The following ATG7 variants were observed in gnomAD, a reference collection of about 807,000 sequenced individuals.
The protein encoded by ATG7 is autophagy related 7.
A neutral mutation model predicts 82.4 loss-of-function variants in ATG7; 70 were observed. The ratio of observed to expected loss-of-function variants is 0.85; its 90% CI spans 0.70 to 1.04. The LOEUF is 1.04. Among genes scored for constraint, ATG7 ranks in the 50% least tolerant of loss-of-function variants. The pLI is 0.00. For missense variants in ATG7, 792 were observed against 864.3 expected, an observed-to-expected ratio of 0.92 and a Z score of 1.05; for synonymous variants, 287 against 313.0, an observed-to-expected ratio of 0.92 and a Z score of 0.88.
At chr3:11,505,085 C>T (rs1016377568) in intron 20 of ATG7, among the ~76,000 whole-genome samples, 1 of 152,142 alleles carries the variant, frequency 6.6e-6, no homozygotes, top group African/African-American at 2.4e-5. Flanking sequence ...TAAGTCTCTA[C>T]GGAGTATAGT....
chr3:11,382,609 A>G (rs1198668042), intron 19 of ATG7, among the ~76,000 whole-genome samples: 1 of 152,214 alleles, frequency 6.6e-6, no homozygotes, highest in Non-Finnish European at 1.5e-5. Context: ...CGTTTATATG[A>G]GTTGCTCTTT....
intron 19 of ATG7, among the ~76,000 whole-genome samples, chr3:11,406,267 G>A (rs1352033564): frequency 6.6e-6 from 1 of 152,100 alleles, no homozygotes; most frequent in Admixed American, 6.6e-5. Flanking sequence ...TGGGATCACA[G>A]GCATGAGCCA....
At chr3:11,372,870 G>A (rs964583212) in intron 18 of ATG7, among the ~76,000 whole-genome samples, 9 of 143,690 alleles carry the variant, frequency 6.3e-5, no homozygotes, top group African/African-American at 2.3e-4. Flanking sequence ...GTGTGAAATC[G>A]GCCATGTTTT....
chr3:11,575,144 G>A, the ATG7 span, among the ~76,000 whole-genome samples: 1 of 152,210 alleles, frequency 6.6e-6, no homozygotes, highest in African/African-American at 2.4e-5. Context: ...CTGGCAGGTG[G>A]CAGAGTAGGG....
At chr3:11,410,752 G>A (rs1220019624) in intron 19 of ATG7, among the ~76,000 whole-genome samples, 1 of 152,098 alleles carries the variant, frequency 6.6e-6, no homozygotes, top group Non-Finnish European at 1.5e-5. Flanking sequence ...CCTCTTTAAG[G>A]TTGAATAATA....
chr3:11,435,173 G>T (rs1227868220), intron 20 of ATG7, among the ~76,000 whole-genome samples: 1 of 152,002 alleles, frequency 6.6e-6, no homozygotes, highest in South Asian at 2.1e-4. Flanking sequence ...ATATTCTTTG[G>T]TATCTATTAT....
At chr3:11,573,241 A>AAGAGAG in the ATG7 span, among the ~76,000 whole-genome samples, 2 of 115,692 alleles carry the variant, frequency 1.7e-5, 1 homozygote, top group African/African-American at 7.5e-5. Context: ...AAAGAAAAGA[A>AAGAGAG]ATAGAGAAAG....
chr3:11,476,730 T>C (rs1490260629), intron 20 of ATG7, among the ~76,000 whole-genome samples: 1 of 152,222 alleles, frequency 6.6e-6, no homozygotes, highest in African/African-American at 2.4e-5. Flanking sequence ...TTTTCTTCTT[T>C]TTCATTTTTT....
intron 20 of ATG7, chr3:11,446,610 TGATACATCATG>T: frequency 2.7e-6 from 1 of 372,030 alleles, no homozygotes; most frequent in Non-Finnish European, 5.2e-6. Flanking sequence ...ATGAGGCACA[TGATACATCATG>T]GTACTTGAGC....
chr3:11,480,073 G>A (rs1055070610), intron 20 of ATG7, among the ~76,000 whole-genome samples: 1 of 151,990 alleles, frequency 6.6e-6, no homozygotes, highest in Admixed American at 6.5e-5. Flanking sequence ...GACTACAGGT[G>A]CCCGCCACCA....
intron 19 of ATG7, among the ~76,000 whole-genome samples, chr3:11,425,293 A>T (rs929879326): frequency 6.6e-6 from 1 of 152,200 alleles, no homozygotes. Context: ...CATCCTTACA[A>T]CATAAGTCTT....
In ATG7 at chr3:11,364,730, A is replaced by G; in HGVS notation, c.1871A>G (p.His624Arg). Reference sequence around the variant, plus strand: ...CCAACCTCTCTTGGGCTTGTGCCTCACCAGGTTAGTGATGTGGAAGTGAAA... The same window carrying G: ...CCAACCTCTCTTGGGCTTGTGCCTCGCCAGGTTAGTGATGTGGAAGTGAAA... ...EPPTSLGLVP[H>R]QIRGFLSRFD... Residue 624 changes from histidine to arginine, a missense_variant, in exon 18 of 21, where the codon CAC (histidine) becomes CGC (arginine). Transcript: ENST00000693202. 1 of 1,614,106 alleles carries G rather than the reference A, an allele frequency of 6.2e-7. No individual in the cohort carries two copies. Among genetic ancestry groups the G allele is most frequent in the Non-Finnish European group, 8.5e-7 (1 of 1,179,980 alleles).
intron 19 of ATG7, among the ~76,000 whole-genome samples, chr3:11,390,660 T>A (rs1003577309): frequency 2.8e-4 from 30 of 107,354 alleles, no homozygotes; most frequent in African/African-American, 8.3e-4. Flanking sequence ...TTGACCTTTG[T>A]GGGTGGGTTT....
chr3:11,303,636 C>T lies in ATG7; in HGVS notation c.216-3307C>T, dbSNP rs544961903. Among the ~76,000 whole-genome samples, 15 of 151,418 alleles carry T rather than the reference C, an allele frequency of 9.9e-5. No individual in the cohort carries two copies. In the East Asian group the frequency reaches 2.0e-3, roughly 20 times the overall value. On this transcript the variant is annotated intron_variant, in intron 5 of 20. Coordinates refer to ENST00000693202, the MANE Select transcript of ATG7 (RefSeq NM_001349232.2). ...TGAGCCGAGATCCTGCCACTGCACTCCGGCCTGGGCGACAGAGCGAGACTC... is the reference window on the plus strand; with the variant it reads ...TGAGCCGAGATCCTGCCACTGCACTTCGGCCTGGGCGACAGAGCGAGACTC...
chr3:11,413,423 G>T (rs1170837618), intron 19 of ATG7, among the ~76,000 whole-genome samples: 7 of 152,168 alleles, frequency 4.6e-5, no homozygotes, highest in African/African-American at 1.4e-4. Context: ...ATGATTGTGT[G>T]GCTTCCCCCC....
rs1021101782 is a variant in ATG7, at chr3:11,488,445, G to A, written c.2079+61519G>A. Reference sequence around the variant, plus strand: ...CCGGCGGTCGGGCAGCGGCGGCTGCGGTCGGTCGCGGCAGCGGCTCCGCTT... The same window carrying A: ...CCGGCGGTCGGGCAGCGGCGGCTGCAGTCGGTCGCGGCAGCGGCTCCGCTT... On this transcript the variant is annotated intron_variant, in intron 20 of 20. Transcript: ENST00000693202. The A allele has an allele frequency of 2.1e-5, 27 of 1,260,934 alleles. 1 individual carries two copies. Among genetic ancestry groups the A allele is most frequent in the Middle Eastern group, 2.9e-4 (1 of 3,390 alleles). The allele number at this position is 1,260,934 out of a possible 1,614,324, so 78.1% of individuals were successfully genotyped here.
At chr3:11,562,545 C>T (rs2073114551), downstream of ATG7, among the ~76,000 whole-genome samples, 1 of 152,204 alleles carries the variant, frequency 6.6e-6, no homozygotes, top group Non-Finnish European at 1.5e-5. Context: ...CAACAGACTT[C>T]CAGGAAGAGA....
intron 17 of ATG7, among the ~76,000 whole-genome samples, chr3:11,364,404 A>G (rs2076465549): frequency 6.6e-6 from 1 of 152,192 alleles, no homozygotes; most frequent in Non-Finnish European, 1.5e-5. Context: ...TTTATAGATG[A>G]TGGATCTGAA....
chr3:11,567,366 T>G, the ATG7 span, among the ~76,000 whole-genome samples: 1 of 152,104 alleles, frequency 6.6e-6, no homozygotes, highest in Non-Finnish European at 1.5e-5. Context: ...CAGGACCCAG[T>G]ATTCGTTTAT....
Sources: allele counts gnomAD v4.1 joint callset (sites outside exome capture counted in the v4.1 genomes callset), GRCh38; gene constraint gnomAD v4.1.1; transcripts MANE v1.5; gene names NCBI Gene and HGNC (gene_info 2026-07-23, HGNC 2026-07-21).